Variants in SLC25A21 observed in about 807,000 individuals in gnomAD.
SLC25A21 encodes the protein solute carrier family 25 member 21.
A neutral mutation model predicts 43.8 loss-of-function variants in SLC25A21; 47 were observed. That is an observed-to-expected ratio of 1.07 (90% confidence interval 0.85 to 1.37). The LOEUF (loss-of-function observed/expected upper bound fraction) is 1.37, where lower values mean the gene tolerates loss of function less well. Among genes scored for constraint, SLC25A21 ranks in the 40% most tolerant of loss-of-function variants. The pLI is 0.00. For missense variants in SLC25A21, 352 were observed against 350.2 expected (o/e 1.00, Z -0.04); for synonymous variants, 131 against 121.3 (o/e 1.08, Z -0.52).
intron 2 of SLC25A21, among the ~76,000 whole-genome samples, chr14:36,867,494 A>G (rs946955133): frequency 1.3e-5 from 2 of 152,180 alleles, no homozygotes; most frequent in Non-Finnish European, 2.9e-5. Flanking sequence ...ATGTCAGCAC[A>G]CAGCCCCAAA....
chr14:36,784,931 C>A (rs1343207051), intron 3 of SLC25A21, among the ~76,000 whole-genome samples: 1 of 152,146 alleles, frequency 6.6e-6, no homozygotes, highest in Admixed American at 6.5e-5. Context: ...CAAAGAATTG[C>A]AACATTAGAA....
rs74044950 is a variant in SLC25A21 at position 36,729,713 on chromosome 14, G to A, written c.271-147C>T. 1.3e-3 allele frequency: 834 copies of A among 626,942 alleles called. 6 individuals carry two copies. The African/African-American group carries it at 0.014, about 10-fold the overall frequency. The allele number at this position is 626,942 out of a possible 1,614,324, so 38.8% of individuals were successfully genotyped here. A position where few individuals can be genotyped will look rare whatever the true frequency, so the allele number is the denominator to read the frequency against. The stretch of plus-strand genomic sequence containing the variant: ...CTAATACAGTTTTTAATCCTGTCTC[G>A]GGCAGTTGCTATTGGATCTTTCTTT... On this transcript the variant is annotated intron_variant, in intron 4 of 9. Coordinates refer to ENST00000331299, the MANE Select transcript of SLC25A21 (RefSeq NM_030631.4).
At chr14:37,011,080 T>G (rs1960721168) in intron 1 of SLC25A21, among the ~76,000 whole-genome samples, 1 of 152,130 alleles carries the variant, frequency 6.6e-6, no homozygotes, top group African/African-American at 2.4e-5. Flanking sequence ...AGAGATGGGG[T>G]TTCACCTTGT....
In SLC25A21 at chr14:36,803,569, T is replaced by C. The variant is rs74044993; in HGVS notation, c.203+10349A>G. 8.8e-3 allele frequency among the ~76,000 whole-genome samples: 1,341 copies of C among 152,322 alleles called. 18 individuals are homozygous for C. Among genetic ancestry groups the C allele is most frequent in the African/African-American group, 0.029 (1,208 of 41,582 alleles). On this transcript the variant is annotated intron_variant, in intron 3 of 9. Coordinates refer to ENST00000331299, the MANE Select transcript of SLC25A21 (RefSeq NM_030631.4). ...TAACAATAAACTCACAACCTCTCTT[T>C]AAGAGTTTCCAAAATGTATCTAACA... is the stretch of plus-strand genomic sequence containing the variant.
chr14:37,038,312 G>T (rs1961372590), intron 1 of SLC25A21, among the ~76,000 whole-genome samples: 3 of 152,102 alleles, frequency 2.0e-5, no homozygotes, highest in Admixed American at 6.6e-5. Context: ...GAAAAATGAA[G>T]AATAATAGGG....
chr14:37,103,909 C>A (rs1962863594), intron 1 of SLC25A21, among the ~76,000 whole-genome samples: 1 of 152,174 alleles, frequency 6.6e-6, no homozygotes, highest in Non-Finnish European at 1.5e-5. Context: ...ATACTTGTTA[C>A]CCACTCATAT....
chr14:37,092,656 G>A (rs77601023), intron 1 of SLC25A21, among the ~76,000 whole-genome samples: 8,206 of 152,156 alleles, frequency 0.054, 745 homozygotes, highest in African/African-American at 0.19. Context: ...GAGAACTATG[G>A]TGGAGCCAGC....
intron 1 of SLC25A21, among the ~76,000 whole-genome samples, chr14:36,969,011 T>C (rs1187426023): frequency 1.3e-5 from 2 of 152,208 alleles, no homozygotes; most frequent in East Asian, 3.8e-4. Flanking sequence ...TCATTCAGGC[T>C]TTAATTTTTT....
At chr14:36,974,768 C>G (rs908119065) in intron 1 of SLC25A21, among the ~76,000 whole-genome samples, 1 of 152,100 alleles carries the variant, frequency 6.6e-6, no homozygotes, top group African/African-American at 2.4e-5. Context: ...TTCAAGAACA[C>G]TGAGTATAGT....
chr14:36,953,112 G>C (rs1892854498), intron 1 of SLC25A21, among the ~76,000 whole-genome samples: 1 of 152,172 alleles, frequency 6.6e-6, no homozygotes, highest in Non-Finnish European at 1.5e-5. Context: ...ATCAAGGGTT[G>C]AATATCAGAA....
At chr14:36,823,946 T>C (rs1235630135) in intron 2 of SLC25A21, among the ~76,000 whole-genome samples, 1 of 152,156 alleles carries the variant, frequency 6.6e-6, no homozygotes, top group Non-Finnish European at 1.5e-5. Flanking sequence ...CCATAATGGA[T>C]TTCCAGAACA....
At chr14:37,116,889 C>A (rs1209555332) in intron 1 of SLC25A21, among the ~76,000 whole-genome samples, 1 of 152,078 alleles carries the variant, frequency 6.6e-6, no homozygotes, top group African/African-American at 2.4e-5. Flanking sequence ...TAAAATATTT[C>A]TTTTTCTTAT....
In SLC25A21 at chr14:36,913,294, G is replaced by A. The variant is rs568679632; in HGVS notation, c.71-38290C>T. 4.3e-4 allele frequency among the ~76,000 whole-genome samples: 65 copies of A among 152,232 alleles called. 1 individual carries two copies. The highest frequency in any genetic ancestry group is 1.5e-3 in the African/African-American group (61 of 41,556). Reference sequence around the variant, plus strand: ...GTAGAAGTAGTCATGTGTGAACTGAGATTTTTTGTTTGTTTGAGACAGGAT... The same window carrying A: ...GTAGAAGTAGTCATGTGTGAACTGAAATTTTTTGTTTGTTTGAGACAGGAT... On this transcript the variant is annotated intron_variant, in intron 1 of 9. Coordinates refer to ENST00000331299, the MANE Select transcript of SLC25A21 (RefSeq NM_030631.4).
chr14:37,112,335 T>A (rs972323337), intron 1 of SLC25A21, among the ~76,000 whole-genome samples: 1 of 151,788 alleles, frequency 6.6e-6, no homozygotes, highest in Non-Finnish European at 1.5e-5. Context: ...TACTCTAGTG[T>A]AAAAGAAGGG....
chr14:36,941,339 A>T (rs563528143), intron 1 of SLC25A21, among the ~76,000 whole-genome samples: 1 of 152,266 alleles, frequency 6.6e-6, no homozygotes, highest in East Asian at 1.9e-4. Flanking sequence ...ATGCTGCACA[A>T]AATTGTATAG....
In SLC25A21 at chr14:36,790,579, A is replaced by G. The variant is rs529486113; in HGVS notation, c.203+23339T>C. 6.6e-5 allele frequency among the ~76,000 whole-genome samples: 10 copies of G among 152,280 alleles called. No individual in the cohort carries two copies. In the South Asian group the frequency reaches 2.1e-3, roughly 32 times the overall value. On this transcript the variant is annotated intron_variant, in intron 3 of 9. Transcript: ENST00000331299. ...AAATGTTCTCTGTTCTACTCATACT[A>G]TTTAAACAGTTCTCCCAATTCACTT... is the stretch of plus-strand genomic sequence containing the variant.
At chr14:37,144,106 A>C (rs1203848302) in intron 1 of SLC25A21, among the ~76,000 whole-genome samples, 2 of 152,178 alleles carry the variant, frequency 1.3e-5, no homozygotes, top group Non-Finnish European at 2.9e-5. Flanking sequence ...TAATGAGAAA[A>C]AGAGAGCCAG....
At chr14:36,938,847 C>G (rs1319987802) in intron 1 of SLC25A21, among the ~76,000 whole-genome samples, 4 of 151,806 alleles carry the variant, frequency 2.6e-5, no homozygotes, top group Non-Finnish European at 5.9e-5. Context: ...AAAACAAAAA[C>G]AAAAACAAAA....
At chr14:37,129,387 T>A (rs1963354570) in intron 1 of SLC25A21, among the ~76,000 whole-genome samples, 1 of 152,192 alleles carries the variant, frequency 6.6e-6, no homozygotes, top group Non-Finnish European at 1.5e-5. Flanking sequence ...GTTCCATTTG[T>A]CTGGATTAGA....
Sources: gnomAD v4.1 joint callset for allele counts (sites outside exome capture counted in the v4.1 genomes callset) on GRCh38, gnomAD v4.1.1 for gene constraint, MANE v1.5 for transcripts, NCBI Gene and HGNC (gene_info 2026-07-23, HGNC 2026-07-21) for gene names.